The following ITIH2 variants were observed in gnomAD, a reference collection of about 807,000 sequenced individuals.
ITIH2 encodes inter-alpha-trypsin inhibitor heavy chain H2.
In ITIH2, 103 loss-of-function variants were observed where a neutral mutation model predicts 104.4. That is an observed-to-expected ratio of 0.99 (90% CI 0.84 to 1.16). ITIH2 has a LOEUF of 1.16. Among genes scored for constraint, ITIH2 ranks in the 50% most tolerant of loss-of-function variants. ITIH2 has a pLI of 0.00. For synonymous variants in ITIH2, 436 were observed against 435.4 expected (o/e 1.00, Z -0.02); for missense variants, 1,108 against 1,162.4 (o/e 0.95, Z 0.68).
intron 15 of ITIH2, among the ~76,000 whole-genome samples, chr10:7,735,483 C>T (rs73628424): frequency 2.6e-5 from 4 of 152,030 alleles, no homozygotes; most frequent in African/African-American, 9.6e-5. Context: ...GAGGATCTCT[C>T]GAGCCCAGGA....
Position 7,721,681 on chromosome 10 carries a change from G to A in ITIH2, c.771G>A (p.Gln257=), listed in dbSNP as rs772874591. 2.4e-5 allele frequency: 39 copies of A among 1,613,818 alleles called. No homozygotes were observed. The South Asian group carries it at 3.7e-4, about 15-fold the overall frequency. Residue 257 remains glutamine, a synonymous_variant, in exon 8 of 21, where the codon CAG becomes CAA. Transcript: ENST00000358415. ...TCTCCTTCAAGCCCACGGTAGCACAGCAGAGAATATGCCCTAACTGCCGGG... is the reference window on the plus strand; with the variant it reads ...TCTCCTTCAAGCCCACGGTAGCACAACAGAGAATATGCCCTAACTGCCGGG... The part of the protein sequence containing the change: ...AHVSFKPTVA[Q]QRICPNCRET...
rs757875333 is a variant in ITIH2, at chr10:7,738,690, C to A, written c.2027C>A (p.Pro676His). The A allele has an allele frequency of 5.0e-6, 8 of 1,613,594 alleles. No individual in the cohort carries two copies. The highest frequency in any genetic ancestry group is 6.8e-6 in the Non-Finnish European group (8 of 1,179,844). ...TPSWANPSPT[P>H]VISMLAQGSQ... ...TCTTGGGCCAATCCTTCACCAACGC[C>A]CGTGATCTCCATGCTGGCACAAGGA... The change falls in exon 16 of 21, where the codon CCC becomes CAC. Residue 676 changes from proline (P) to histidine (H), a missense_variant. Coordinates refer to ENST00000358415, the MANE Select transcript of ITIH2 (RefSeq NM_002216.3).
Position 7,721,655 on chromosome 10 carries a change from G to C in ITIH2, c.745G>C (p.Val249Leu). Residue 249 changes from valine (V) to leucine (L), a missense_variant, in exon 8 of 21, where the codon GTC (valine) becomes CTC (leucine). Coordinates refer to ENST00000358415, the MANE Select transcript of ITIH2 (RefSeq NM_002216.3). ...VISKGQQKAHVSFKPTVAQQR... is the reference protein window; with the variant it reads ...VISKGQQKAHLSFKPTVAQQR... ...ATGTCACCGTTCTTTCTAGGCGCAC[G>C]TCTCCTTCAAGCCCACGGTAGCACA... 1 of 1,613,602 alleles carries C rather than the reference G, an allele frequency of 6.2e-7. No homozygotes were observed. The highest frequency in any genetic ancestry group is 8.5e-7 in the Non-Finnish European group (1 of 1,179,664).
At chr10:7,716,735 CAAAAAA>C (rs61703360) in intron 5 of ITIH2, among the ~76,000 whole-genome samples, 1 of 58,770 alleles carries the variant, frequency 1.7e-5, no homozygotes, top group African/African-American at 4.7e-5. Flanking sequence ...GACCCCAGCT[CAAAAAA>C]AAAAAAAAAA....
In ITIH2 at chr10:7,738,222, AT is replaced by A. The variant is rs1430990308; in HGVS notation, c.1958-398del. 7.6e-3 allele frequency among the ~76,000 whole-genome samples: 754 copies of A among 99,170 alleles called. 20 individuals are homozygous for A. The highest frequency in any genetic ancestry group is 0.02 in the African/African-American group (527 of 26,888). 65.1% of individuals were successfully genotyped at this position (99,170 alleles called of 152,430 possible). ...TAAAATATTATATATTATATTCTAT[AT>A]AATATTATATATTATATTCTATATA... On this transcript the variant is annotated intron_variant, in intron 15 of 20. Transcript: ENST00000358415.
chr10:7,713,357 C>A, intron 5 of ITIH2, 72 bp downstream of exon 5: 1 of 1,190,518 alleles, frequency 8.4e-7, no homozygotes, highest in Non-Finnish European at 1.2e-6. Context: ...CTTCCCACAG[C>A]AGCAAAGCAG....
At chr10:7,719,293 G>A (rs1834879252) in intron 6 of ITIH2, among the ~76,000 whole-genome samples, 1 of 152,158 alleles carries the variant, frequency 6.6e-6, no homozygotes, top group African/African-American at 2.4e-5. Context: ...TGCGTGAATT[G>A]AAAAAAGATG....
intron 6 of ITIH2, among the ~76,000 whole-genome samples, chr10:7,719,760 C>CAAAAAAAAAA (rs71385664): frequency 9.6e-5 from 4 of 41,710 alleles, no homozygotes; most frequent in African/African-American, 1.0e-4. Context: ...GACCCTGTCT[C>CAAAAAAAAAA]AAAAAAAAAA....
In ITIH2 at chr10:7,734,325, A is replaced by G. The variant is rs138526070; in HGVS notation, c.1788-597A>G. On this transcript the variant is annotated intron_variant, in intron 14 of 20. Coordinates refer to ENST00000358415, the MANE Select transcript of ITIH2 (RefSeq NM_002216.3). ...ATGGGGGACCGTGTGTATGCAGTGG[A>G]GACATAGAAAATCTTGATACCTTCT... Among the ~76,000 whole-genome samples, 540 of 152,320 alleles carry G rather than the reference A, an allele frequency of 3.5e-3. 3 individuals carry two copies. Among genetic ancestry groups the G allele is most frequent in the African/African-American group, 0.012 (512 of 41,568 alleles).
chr10:7,718,068 T>C (rs910889343), intron 6 of ITIH2, among the ~76,000 whole-genome samples: 2 of 152,098 alleles, frequency 1.3e-5, no homozygotes, highest in African/African-American at 2.4e-5. Context: ...GATTCTCTCA[T>C]GGAAGTCTGA....
chr10:7,720,621 G>C (rs11255312), intron 6 of ITIH2, among the ~76,000 whole-genome samples: 3 of 152,112 alleles, frequency 2.0e-5, no homozygotes, highest in Non-Finnish European at 4.4e-5. Context: ...GTCGACTCCT[G>C]GGGGAGTGAG....
chr10:7,747,149 G>C (rs1055695021), intron 20 of ITIH2, among the ~76,000 whole-genome samples: 1 of 152,154 alleles, frequency 6.6e-6, no homozygotes, highest in African/African-American at 2.4e-5. Flanking sequence ...ACCCCCATAT[G>C]CTTCATCTGA....
At chr10:7,744,399 A>G in intron 18 of ITIH2, 119 bp downstream of exon 18, 1 of 923,858 alleles carries the variant, frequency 1.1e-6, no homozygotes, top group Non-Finnish European at 1.6e-6. Flanking sequence ...AAGGAAGTTG[A>G]GGTTCAGAAA....
intron 2 of ITIH2, among the ~76,000 whole-genome samples, chr10:7,706,131 C>T (rs998996964): frequency 1.3e-5 from 2 of 151,960 alleles, no homozygotes; most frequent in African/African-American, 4.8e-5. Context: ...TTTTTGTAGA[C>T]TAATAATATT....
chr10:7,733,080 G>A (rs570681392), intron 14 of ITIH2, among the ~76,000 whole-genome samples: 15 of 151,728 alleles, frequency 9.9e-5, no homozygotes, highest in Middle Eastern at 3.4e-3. Flanking sequence ...TCTATCATCC[G>A]TGTAATCACC....
At chr10:7,712,039 C>G (rs1834800705) in intron 4 of ITIH2, among the ~76,000 whole-genome samples, 1 of 152,294 alleles carries the variant, frequency 6.6e-6, no homozygotes, top group South Asian at 2.1e-4. Context: ...ATAAACACCA[C>G]CTTGGCAGGG....
rs967800089 is a variant in ITIH2, at chr10:7,703,609, T to C, written c.84+91T>C. 13 of 770,228 alleles carry C rather than the reference T, an allele frequency of 1.7e-5. No homozygotes were observed. In the African/African-American group the frequency reaches 2.3e-4, roughly 13 times the overall value. The allele number at this position is 770,228 out of a possible 1,614,324, so 47.7% of individuals were successfully genotyped here. On this transcript the variant is annotated intron_variant, in intron 1 of 20. Transcript: ENST00000358415. The stretch of plus-strand genomic sequence containing the variant: ...ATCGCTATTCAATGGCCTTATTCTG[T>C]GTGTAATGGAAACTTAAGATAAAAT...
chr10:7,713,653 CCTTAATGATTTATT>C (rs992180683), intron 5 of ITIH2, among the ~76,000 whole-genome samples: 3 of 151,956 alleles, frequency 2.0e-5, no homozygotes, highest in African/African-American at 7.3e-5. Context: ...TTGAAATTTG[CCTTAATGATTTATT>C]CTGACTACTT....
chr10:7,713,125 GA>G (rs879071993), intron 4 of ITIH2, 55 bp from the exon 5 acceptor site: 110,353 of 961,128 alleles, frequency 0.11, 6 homozygotes, highest in East Asian at 0.15. Flanking sequence ...ATCTCGAGGG[GA>G]AAAAAAAAAA....
Sources: gnomAD v4.1 joint callset for allele counts (sites outside exome capture counted in the v4.1 genomes callset) on GRCh38, gnomAD v4.1.1 for gene constraint, MANE v1.5 for transcripts, NCBI Gene and HGNC (gene_info 2026-07-23, HGNC 2026-07-21) for gene names.